Variants in FAM120B observed in about 807,000 individuals in gnomAD.
FAM120B encodes constitutive coactivator of peroxisome proliferator-activated receptor gamma.
A neutral mutation model predicts 96.3 loss-of-function variants in FAM120B; 83 were observed. The ratio of observed to expected loss-of-function variants is 0.86; its 90% CI spans 0.72 to 1.03. The LOEUF (loss-of-function observed/expected upper bound fraction) is 1.03. Ranked by LOEUF, FAM120B falls within the 50% of genes least tolerant of loss-of-function variation. The pLI, the probability that FAM120B is intolerant of heterozygous loss-of-function variation, is 0.00. For missense variants in FAM120B, 1,027 were observed against 1,121.2 expected, an observed-to-expected ratio of 0.92 and a Z score of 1.20; for synonymous variants, 407 against 402.7, an observed-to-expected ratio of 1.01 and a Z score of -0.13.
intron 4 of FAM120B, among the ~76,000 whole-genome samples, chr6:170,338,956 A>C (rs912286524): frequency 6.6e-6 from 1 of 150,748 alleles, no homozygotes; most frequent in East Asian, 2.0e-4. Flanking sequence ...ACAGCACACC[A>C]ATAGGTCTTG....
intron 6 of FAM120B, among the ~76,000 whole-genome samples, chr6:170,365,399 G>A (rs1167091548): frequency 6.6e-6 from 1 of 152,128 alleles, no homozygotes; most frequent in African/African-American, 2.4e-5. Context: ...TGACAGCTGT[G>A]GTCTATGTCA....
At chr6:170,378,477 C>G (rs113391207) in intron 6 of FAM120B, among the ~76,000 whole-genome samples, 2,227 of 152,292 alleles carry the variant, frequency 0.015, 50 homozygotes, top group African/African-American at 0.047. Context: ...AGTTTCTTGT[C>G]AGTTCATTCC....
chr6:170,314,007 T>C (rs1784750429), intron 1 of FAM120B, among the ~76,000 whole-genome samples: 1 of 152,268 alleles, frequency 6.6e-6, no homozygotes, highest in Non-Finnish European at 1.5e-5. Flanking sequence ...TTGTTTATGC[T>C]GAGCGCATTG....
chr6:170,348,353 G>A, intron 5 of FAM120B, 30 bp downstream of exon 5: 1 of 1,601,196 alleles, frequency 6.2e-7, no homozygotes. Flanking sequence ...TCTAGTCACT[G>A]CAGCCTGCGC....
intron 2 of FAM120B, among the ~76,000 whole-genome samples, chr6:170,319,861 A>G (rs1785173556): frequency 6.6e-6 from 1 of 152,238 alleles, no homozygotes; most frequent in African/African-American, 2.4e-5. Flanking sequence ...GGAGAAAAAA[A>G]TGGGAAAAGG....
chr6:170,353,878 A>G (rs1406899807), intron 5 of FAM120B, among the ~76,000 whole-genome samples: 1 of 152,240 alleles, frequency 6.6e-6, no homozygotes, highest in Non-Finnish European at 1.5e-5. Context: ...TGCTATTCCC[A>G]TTAAACTACC....
chr6:170,338,598 T>A (rs1786597621), intron 4 of FAM120B, among the ~76,000 whole-genome samples: 1 of 152,170 alleles, frequency 6.6e-6, no homozygotes, highest in African/African-American at 2.4e-5. Context: ...TTTGTCTCGT[T>A]GATCTAATAT....
chr6:170,303,288 G>A (rs1459706804), upstream of FAM120B, among the ~76,000 whole-genome samples: 2 of 152,174 alleles, frequency 1.3e-5, no homozygotes, highest in Non-Finnish European at 2.9e-5. Context: ...CACCCAGGCT[G>A]GAGTGTGGTG....
upstream of FAM120B, among the ~76,000 whole-genome samples, chr6:170,292,874 C>A (rs1454834188): frequency 6.6e-6 from 1 of 152,224 alleles, no homozygotes; most frequent in East Asian, 1.9e-4. The surrounding 1 kb of genome is among the most constrained non-coding windows in gnomAD (Gnocchi z 6.6). Flanking sequence ...GAGTTAACCA[C>A]AAGAAACAAG....
At chr6:170,349,304 A>G (rs1787422453) in intron 5 of FAM120B, among the ~76,000 whole-genome samples, 1 of 152,192 alleles carries the variant, frequency 6.6e-6, no homozygotes, top group South Asian at 2.1e-4. Context: ...GTGGGTCTCC[A>G]TTGGCATAGC....
chr6:170,385,658 A>G (rs753917191), intron 6 of FAM120B, among the ~76,000 whole-genome samples: 1 of 152,238 alleles, frequency 6.6e-6, no homozygotes, highest in Non-Finnish European at 1.5e-5. Flanking sequence ...CCCTTGCTGC[A>G]GCCACACCAC....
Position 170,318,900 on chromosome 6 carries a change from T to C in FAM120B, c.1510T>C (p.Ser504Pro), listed in dbSNP as rs1785111055. Residue 504 changes from serine to proline, a missense_variant, in exon 2 of 11, where the codon TCC (serine) becomes CCC (proline). Ser to Pro is a moderately conservative substitution (Grantham distance 74, BLOSUM62 -1). Coordinates refer to ENST00000476287, the MANE Select transcript of FAM120B (RefSeq NM_032448.3). ...AGAAATTATGTGTACAGGCCATGAA[T>C]CCAAACAGGAAGTTCCCATATGTAC... ...RQEIMCTGHE[S>P]KQEVPICTDP... 6.2e-7 allele frequency: 1 copy of C among 1,614,016 alleles called. No individual in the cohort carries two copies. The highest frequency in any genetic ancestry group is 8.5e-7 in the Non-Finnish European group (1 of 1,180,030).
intron 6 of FAM120B, among the ~76,000 whole-genome samples, chr6:170,372,461 C>G (rs1262408535): frequency 6.6e-6 from 1 of 152,156 alleles, no homozygotes; most frequent in Non-Finnish European, 1.5e-5. Context: ...GGCTGTGCTC[C>G]TGTCTCATCC....
At chr6:170,335,716 T>C (rs577510733) in intron 4 of FAM120B, among the ~76,000 whole-genome samples, 10 of 152,320 alleles carry the variant, frequency 6.6e-5, no homozygotes, top group African/African-American at 2.4e-4. Context: ...GCCAGCATAG[T>C]TGTTTCCTGA....
intron 6 of FAM120B, among the ~76,000 whole-genome samples, chr6:170,366,524 G>T (rs1238737663): frequency 6.6e-6 from 1 of 152,208 alleles, no homozygotes; most frequent in African/African-American, 2.4e-5. Flanking sequence ...CCTGAGTGGG[G>T]TTCCCCTGGT....
chr6:170,361,196 G>GTGTGTGTATA (rs1562566522), intron 6 of FAM120B, among the ~76,000 whole-genome samples: 2 of 29,738 alleles, frequency 6.7e-5, no homozygotes, highest in African/African-American at 5.9e-4. Context: ...ATATATATAC[G>GTGTGTGTATA]TGTATATATA....
At chr6:170,388,027 G>A (rs934966593) in intron 6 of FAM120B, among the ~76,000 whole-genome samples, 1 of 152,146 alleles carries the variant, frequency 6.6e-6, no homozygotes, top group Non-Finnish European at 1.5e-5. Context: ...AAGTGTCTGA[G>A]GTTTGAATGG....
At chr6:170,382,110 C>A (rs1180789297) in intron 6 of FAM120B, among the ~76,000 whole-genome samples, 1 of 152,064 alleles carries the variant, frequency 6.6e-6, no homozygotes, top group Non-Finnish European at 1.5e-5. Flanking sequence ...TAAAAAATCC[C>A]AAGGAATCTA....
At chr6:170,381,648 T>A (rs1202571130) in intron 6 of FAM120B, among the ~76,000 whole-genome samples, 2 of 152,030 alleles carry the variant, frequency 1.3e-5, no homozygotes. Flanking sequence ...GTGAATCAAA[T>A]CCAGCAATTA....
Sources: gnomAD v4.1 joint callset for allele counts (sites outside exome capture counted in the v4.1 genomes callset) on GRCh38, gnomAD v4.1.1 for gene constraint, Gnocchi (gnomAD v3.1) non-coding constraint, MANE v1.5 for transcripts, NCBI Gene and HGNC (gene_info 2026-07-23, HGNC 2026-07-21) for gene names.